The following SLCO3A1 variants were observed in gnomAD, a reference collection of about 807,000 sequenced individuals.
The protein encoded by SLCO3A1 is PGE1 transporter.
SLCO3A1 carries 27 observed loss-of-function variants against 63.1 expected under a neutral mutation model. The ratio of observed to expected loss-of-function variants is 0.43; its 90% CI spans 0.32 to 0.59. The LOEUF (loss-of-function observed/expected upper bound fraction) is 0.59. Ranked by LOEUF, SLCO3A1 falls within the 20% of genes least tolerant of loss-of-function variation. SLCO3A1 has a pLI of 0.09. For synonymous variants in SLCO3A1, 473 were observed against 409.9 expected (o/e 1.15, Z -1.86); for missense variants, 773 against 945.8 (o/e 0.82, Z 2.40).
chr15:91,921,501 G>A (rs1195455432), intron 2 of SLCO3A1, among the ~76,000 whole-genome samples: 1 of 152,010 alleles, frequency 6.6e-6, no homozygotes, highest in African/African-American at 2.4e-5. Flanking sequence ...GTAAGGAGCT[G>A]TATTGTAATT....
chr15:92,133,734 C>T lies in SLCO3A1; in HGVS notation c.1512+5245C>T, dbSNP rs1043721064. On this transcript the variant is annotated intron_variant, in intron 7 of 9. Transcript: ENST00000318445. Reference sequence around the variant, plus strand: ...TAGTTACAGGAAAACAAGCTCAGGGCTCCCACTGATTCTACTTTATGGTGA... The same window carrying T: ...TAGTTACAGGAAAACAAGCTCAGGGTTCCCACTGATTCTACTTTATGGTGA... Among the ~76,000 whole-genome samples, 33 of 146,410 alleles carry T rather than the reference C, an allele frequency of 2.3e-4. 6 individuals are homozygous for T. The highest frequency in any genetic ancestry group is 6.7e-4 in the African/African-American group (27 of 40,326).
At chr15:92,012,119 C>A (rs1181417281) in intron 2 of SLCO3A1, among the ~76,000 whole-genome samples, 2 of 152,232 alleles carry the variant, frequency 1.3e-5, no homozygotes, top group African/African-American at 2.4e-5. Context: ...TGCAAGCAAC[C>A]CACTGTCACT....
At chr15:92,134,028 A>G (rs1007651593) in intron 7 of SLCO3A1, among the ~76,000 whole-genome samples, 1 of 152,212 alleles carries the variant, frequency 6.6e-6, no homozygotes, top group African/African-American at 2.4e-5. Flanking sequence ...CCTCCCTGAA[A>G]AAGTTGGAAG....
chr15:92,033,488 G>A lies in SLCO3A1; in HGVS notation c.647-61393G>A, dbSNP rs531750583. On this transcript the variant is annotated intron_variant, in intron 2 of 9. Coordinates refer to ENST00000318445, the MANE Select transcript of SLCO3A1 (RefSeq NM_013272.4). The surrounding 1 kb of genome is among the most constrained non-coding windows in gnomAD (Gnocchi z 4.5). ...GAAAACCTAAAGGGAACTAAATGCC[G>A]AGACGGTGGGCAAAGGAGAACGAGG... 2.8e-4 allele frequency among the ~76,000 whole-genome samples: 43 copies of A among 152,310 alleles called. No homozygotes were observed. Among genetic ancestry groups the A allele is most frequent in the South Asian group, 1.0e-3 (5 of 4,826 alleles).
chr15:92,054,618 A>G (rs866013344), intron 2 of SLCO3A1, among the ~76,000 whole-genome samples: 28 of 85,592 alleles, frequency 3.3e-4, no homozygotes, highest in South Asian at 7.2e-4. Flanking sequence ...ACCCCCGCCC[A>G]CAGGCCCCAG....
At chr15:92,022,430 A>G (rs1003933612) in intron 2 of SLCO3A1, among the ~76,000 whole-genome samples, 7 of 152,356 alleles carry the variant, frequency 4.6e-5, no homozygotes, top group East Asian at 3.9e-4. Flanking sequence ...AAGGAAATCT[A>G]TGACCTTAGC....
At chr15:91,988,527 C>T (rs1759566845) in intron 2 of SLCO3A1, among the ~76,000 whole-genome samples, 1 of 143,028 alleles carries the variant, frequency 7.0e-6, no homozygotes, top group African/African-American at 2.5e-5. Context: ...CAGCATGAGA[C>T]ACGATAAAAA....
intron 2 of SLCO3A1, among the ~76,000 whole-genome samples, chr15:92,047,570 AAATATATATATAATATATATATAATATAT>A: frequency 6.3e-4 from 5 of 7,892 alleles, no homozygotes; most frequent in African/African-American, 2.5e-3. Context: ...ATATATATAT[AAATATATATATAATATATATATAATATAT>A]AATATATATA....
intron 5 of SLCO3A1, among the ~76,000 whole-genome samples, chr15:92,121,440 T>C (rs965746178): frequency 2.0e-5 from 3 of 152,094 alleles, no homozygotes; most frequent in Non-Finnish European, 4.4e-5. Flanking sequence ...TGTGGTACCA[T>C]TTGTAAAGAC....
intron 3 of SLCO3A1, among the ~76,000 whole-genome samples, chr15:92,100,462 G>T (rs1311043075): frequency 6.6e-6 from 1 of 152,120 alleles, no homozygotes; most frequent in Non-Finnish European, 1.5e-5. Context: ...TAGTTTTGTT[G>T]GCAATTGAAT....
rs75679958 is a variant in SLCO3A1, at chr15:92,162,869, C to A, written c.1867C>A (p.Arg623=). ...ACVLYDNVVY[R]YLYVSIAIAL... Reference sequence around the variant, plus strand: ...CGTCCTCTACGACAATGTGGTCTACCGATACCTGTATGTCAGCATCGCCAT... The same window carrying A: ...CGTCCTCTACGACAATGTGGTCTACAGATACCTGTATGTCAGCATCGCCAT... The change falls in exon 10 of 10, where the codon CGA becomes AGA. Residue 623 remains arginine (R), a synonymous_variant. Coordinates refer to ENST00000318445, the MANE Select transcript of SLCO3A1 (RefSeq NM_013272.4). 5.6e-5 allele frequency: 91 copies of A among 1,614,194 alleles called. No homozygotes were observed. In the African/African-American group the frequency reaches 1.0e-3, roughly 18 times the overall value.
At chr15:92,077,215 AATTC>A (rs753874290) in intron 2 of SLCO3A1, among the ~76,000 whole-genome samples, 155 of 152,232 alleles carry the variant, frequency 1.0e-3, no homozygotes, top group Non-Finnish European at 1.8e-3. Context: ...TGGGAGCTAC[AATTC>A]AAGATGAGAT....
intron 2 of SLCO3A1, among the ~76,000 whole-genome samples, chr15:92,006,881 A>G (rs1261841598): frequency 1.3e-5 from 2 of 152,332 alleles, no homozygotes; most frequent in East Asian, 3.9e-4. Flanking sequence ...CCTTTTAGCA[A>G]TGTCTCCCTT....
intron 2 of SLCO3A1, among the ~76,000 whole-genome samples, chr15:92,018,671 C>T (rs560597834): frequency 1.6e-4 from 25 of 152,240 alleles, no homozygotes; most frequent in Admixed American, 4.6e-4. Flanking sequence ...GACTGGCGTC[C>T]GTCGGGCCAC....
At chr15:91,864,167 A>G (rs576881333) in intron 1 of SLCO3A1, among the ~76,000 whole-genome samples, 1 of 152,342 alleles carries the variant, frequency 6.6e-6, no homozygotes, top group East Asian at 1.9e-4. Context: ...TCGACTGTCC[A>G]ACAGGCATAT....
chr15:91,878,059 G>A (rs779264249), intron 1 of SLCO3A1, among the ~76,000 whole-genome samples: 2 of 151,214 alleles, frequency 1.3e-5, no homozygotes, highest in African/African-American at 2.4e-5. Context: ...CCATCATCAG[G>A]TGGCATCTGA....
chr15:92,064,778 T>C (rs1018815542), intron 2 of SLCO3A1, among the ~76,000 whole-genome samples: 1 of 152,156 alleles, frequency 6.6e-6, no homozygotes, highest in Non-Finnish European at 1.5e-5. Context: ...CAAAAACAAA[T>C]ATTGCATGTT....
intron 1 of SLCO3A1, among the ~76,000 whole-genome samples, chr15:91,867,315 GA>G (rs1046303525): frequency 3.3e-5 from 5 of 152,192 alleles, no homozygotes; most frequent in African/African-American, 1.2e-4. Context: ...CCAAGGGGCT[GA>G]AGGATGCAGA....
At chr15:91,907,975 G>T (rs922453711) in intron 1 of SLCO3A1, among the ~76,000 whole-genome samples, 3 of 152,134 alleles carry the variant, frequency 2.0e-5, no homozygotes, top group Admixed American at 2.0e-4. Flanking sequence ...TCATGATCCT[G>T]CTGCAAGGAC....
Sources: gnomAD v4.1 joint callset for allele counts (sites outside exome capture counted in the v4.1 genomes callset) on GRCh38, gnomAD v4.1.1 for gene constraint, Gnocchi (gnomAD v3.1) non-coding constraint, MANE v1.5 for transcripts, NCBI Gene and HGNC (gene_info 2026-07-23, HGNC 2026-07-21) for gene names.